Variants in SLC5A8 observed in about 807,000 individuals in gnomAD.
SLC5A8 encodes sodium-coupled monocarboxylate transporter 1.
A neutral mutation model predicts 71.9 loss-of-function variants in SLC5A8; 55 were observed. The ratio of observed to expected loss-of-function variants is 0.77; its 90% CI spans 0.62 to 0.96. The LOEUF is 0.96. SLC5A8 is among the 40% of genes least tolerant of loss of function. The pLI is 0.00. For synonymous variants in SLC5A8, 307 were observed against 276.1 expected (o/e 1.11, Z -1.11); for missense variants, 701 against 745.3 (o/e 0.94, Z 0.69).
chr12:101,176,501 C>T (rs892280950), intron 10 of SLC5A8, among the ~76,000 whole-genome samples: 1 of 151,974 alleles, frequency 6.6e-6, no homozygotes, highest in Admixed American at 6.5e-5. Context: ...TTTTCAAGTG[C>T]TCATGGAACA....
intron 10 of SLC5A8, among the ~76,000 whole-genome samples, chr12:101,172,898 T>A (rs1378867385): frequency 6.6e-6 from 1 of 152,158 alleles, no homozygotes; most frequent in Non-Finnish European, 1.5e-5. Context: ...CAAGGTGGTC[T>A]GTTCCAAGGT....
intron 7 of SLC5A8, 36 bp from the exon 8 acceptor site, chr12:101,184,258 G>A (rs759633716): frequency 8.5e-6 from 13 of 1,534,830 alleles, no homozygotes; most frequent in Middle Eastern, 1.7e-4. Flanking sequence ...AAGTACTTTC[G>A]CTACTGAATA....
chr12:101,183,147 G>A (rs1016526606), intron 8 of SLC5A8, among the ~76,000 whole-genome samples: 4 of 139,540 alleles, frequency 2.9e-5, no homozygotes, highest in Admixed American at 7.9e-5. Flanking sequence ...CCGGGTTCAC[G>A]CCATTCTCCT....
Position 101,190,512 on chromosome 12 carries a change from CT to C in SLC5A8, c.788del (p.Gln263ArgfsTer88). On this transcript the variant is annotated frameshift_variant, in exon 6 of 15. Transcript: ENST00000536262. LOFTEE classifies it high-confidence loss of function. ...TTTTACAAGAAATATATCTCTGCAC[CT>C]GGGATTGGTTGACACCGTAGATGCT... ...WTSIYGVNQS[Q>X]VQRYISCKSR... 1 of 1,613,266 alleles carries C rather than the reference CT, an allele frequency of 6.2e-7. No homozygotes were observed. Among genetic ancestry groups the C allele is most frequent in the East Asian group, 2.2e-5 (1 of 44,792 alleles).
Position 101,166,686 on chromosome 12 carries a change from C to G in SLC5A8, c.1334G>C (p.Gly445Ala), listed in dbSNP as rs571530332. Residue 445 changes from glycine (G) to alanine (A), a missense_variant, in exon 12 of 15, where the codon GGT becomes GCT. Physicochemically the swap from Gly to Ala is moderately conservative, Grantham distance 60. Coordinates refer to ENST00000536262, the MANE Select transcript of SLC5A8 (RefSeq NM_145913.5). Reference protein sequence around the residue: ...PFANSIGALVGLMAGFAISLW... With the variant: ...PFANSIGALVALMAGFAISLW... ...AGAAATGGCAAATCCAGCCATCAGA[C>G]CAACAAGTGCTCCCTGTAAAACAAG... 1 of 1,608,412 alleles carries G rather than the reference C, an allele frequency of 6.2e-7. No individual in the cohort carries two copies. The highest frequency in any genetic ancestry group is 8.5e-7 in the Non-Finnish European group (1 of 1,177,900).
At chr12:101,179,195 G>T (rs762242428) in intron 10 of SLC5A8, among the ~76,000 whole-genome samples, 3 of 152,100 alleles carry the variant, frequency 2.0e-5, no homozygotes, top group Non-Finnish European at 2.9e-5. Flanking sequence ...TGGGCCATTT[G>T]TCTATGCTAG....
In SLC5A8 at chr12:101,209,923, C is replaced by T; in HGVS notation, c.-75G>A. On this transcript the variant is annotated 5_prime_UTR_variant, in exon 1 of 15. Coordinates refer to ENST00000536262, the MANE Select transcript of SLC5A8 (RefSeq NM_145913.5). ...CGCAGCCGGAGCCCGGCGCGCACTT[C>T]TTATCCCGGATCCCTGGCGCGCAGG... 1 of 1,336,212 alleles carries T rather than the reference C, an allele frequency of 7.5e-7. No homozygotes were observed. Among genetic ancestry groups the T allele is most frequent in the South Asian group, 1.5e-5 (1 of 65,116 alleles). The allele number at this position is 1,336,212 out of a possible 1,614,324, so 82.8% of individuals were successfully genotyped here. A position where few individuals can be genotyped will look rare whatever the true frequency, so the allele number is the denominator to read the frequency against.
intron 6 of SLC5A8, among the ~76,000 whole-genome samples, chr12:101,189,225 A>C (rs1298441606): frequency 2.6e-5 from 4 of 152,188 alleles, no homozygotes; most frequent in Non-Finnish European, 1.5e-5. Flanking sequence ...TTAAAAGTAC[A>C]ATAGACTACT....
At chr12:101,176,319 A>G (rs570290444) in intron 10 of SLC5A8, among the ~76,000 whole-genome samples, 1 of 152,154 alleles carries the variant, frequency 6.6e-6, no homozygotes, top group African/African-American at 2.4e-5. Flanking sequence ...CAAAGCAAAA[A>G]CTGATAGAAC....
Position 101,190,627 on chromosome 12 carries a change from A to G in SLC5A8, c.693-19T>C, listed in dbSNP as rs1357020427. 21 of 1,588,820 alleles carry G rather than the reference A, an allele frequency of 1.3e-5. No individual in the cohort carries two copies. Among genetic ancestry groups the G allele is most frequent in the Non-Finnish European group, 1.8e-5 (21 of 1,172,308 alleles). On this transcript the variant is annotated intron_variant, in intron 5 of 14. Coordinates refer to ENST00000536262, the MANE Select transcript of SLC5A8 (RefSeq NM_145913.5). The stretch of plus-strand genomic sequence containing the variant: ...ATTAAAACTAAATGACAAGAAACAG[A>G]AAACAAATCTGAACTATTAGCAGAG...
chr12:101,184,290 A>T, intron 7 of SLC5A8, 68 bp from the exon 8 acceptor site: 1 of 1,294,948 alleles, frequency 7.7e-7, no homozygotes, highest in South Asian at 1.2e-5. Flanking sequence ...TGCCTAGTTT[A>T]TCATTTGTCT....
At chr12:101,195,627 A>G (rs577201682) in intron 3 of SLC5A8, among the ~76,000 whole-genome samples, 1 of 152,230 alleles carries the variant, frequency 6.6e-6, no homozygotes, top group Non-Finnish European at 1.5e-5. Context: ...AAGGATTCAA[A>G]TGTAATCTTT....
chr12:101,181,198 T>TC (rs1450974483), intron 9 of SLC5A8, among the ~76,000 whole-genome samples: 1 of 152,242 alleles, frequency 6.6e-6, no homozygotes, highest in East Asian at 1.9e-4. Context: ...TGCATCTGAA[T>TC]GAAAAATTTT....
At chr12:101,196,819 C>T (rs561668102) in intron 3 of SLC5A8, among the ~76,000 whole-genome samples, 1 of 152,224 alleles carries the variant, frequency 6.6e-6, no homozygotes, top group African/African-American at 2.4e-5. Context: ...TGTGACTGCA[C>T]CTTAAAATCA....
At chr12:101,188,244 T>A (rs1232920242) in intron 6 of SLC5A8, among the ~76,000 whole-genome samples, 1 of 152,246 alleles carries the variant, frequency 6.6e-6, no homozygotes, top group East Asian at 1.9e-4. Flanking sequence ...TATTATCATA[T>A]AGCATGGTAC....
chr12:101,184,679 AACTTT>A lies in SLC5A8; in HGVS notation c.964-462_964-458del, dbSNP rs1304405578. ...GTGCTTAAGTAAGCAGCATCCACTT[AACTTT>A]ACTTGATGACTCAAGGCCATTTTGT... On this transcript the variant is annotated intron_variant, in intron 7 of 14. Transcript: ENST00000536262. 1.4e-4 allele frequency among the ~76,000 whole-genome samples: 22 copies of A among 152,302 alleles called. No homozygotes were observed. In the East Asian group the frequency reaches 3.9e-3, roughly 27 times the overall value.
intron 10 of SLC5A8, among the ~76,000 whole-genome samples, chr12:101,177,200 C>T (rs539499709): frequency 6.6e-6 from 1 of 151,990 alleles, no homozygotes; most frequent in African/African-American, 2.4e-5. Flanking sequence ...TAAATTGTCA[C>T]AATTCATCGA....
chr12:101,157,433 G>A, intron 14 of SLC5A8, 32 bp from the exon 15 acceptor site: 1 of 1,543,866 alleles, frequency 6.5e-7, no homozygotes, highest in Non-Finnish European at 8.8e-7. Flanking sequence ...GTGATTAGGG[G>A]GAGAAAAAGA....
chr12:101,204,571 GC>G lies in SLC5A8; in HGVS notation c.352-7del. On this transcript the variant is annotated splice_polypyrimidine_tract_variant and splice_region_variant and intron_variant, in intron 1 of 14. Coordinates refer to ENST00000536262, the MANE Select transcript of SLC5A8 (RefSeq NM_145913.5). ...TTAAATCGAAGTTCTAAATACTGTT[GC>G]AAAAAAAAAAATTATGCGAATCCTC... The G allele has an allele frequency of 6.4e-7, 1 of 1,565,402 alleles. No homozygotes were observed. Among genetic ancestry groups the G allele is most frequent in the East Asian group, 2.3e-5 (1 of 43,570 alleles).
Sources: gnomAD v4.1 joint callset for allele counts (sites outside exome capture counted in the v4.1 genomes callset) on GRCh38, gnomAD v4.1.1 for gene constraint, MANE v1.5 for transcripts, NCBI Gene and HGNC (gene_info 2026-07-23, HGNC 2026-07-21) for gene names.